PHACTR2: variants seen among roughly 807,000 people sequenced by gnomAD.
PHACTR2 encodes the protein phosphatase and actin regulator 2, also known as chromosome 6 open reading frame 56.
Under a neutral mutation model 76.0 loss-of-function variants are expected in PHACTR2, and 30 were observed. The ratio of observed to expected loss-of-function variants is 0.39; its 90% CI spans 0.30 to 0.54. The LOEUF is 0.54. Among genes scored for constraint, PHACTR2 ranks in the 20% least tolerant of loss-of-function variants. The pLI is 0.61. For synonymous variants in PHACTR2, 292 were observed against 292.5 expected (o/e 1.00, Z 0.02); for missense variants, 696 against 781.1 (o/e 0.89, Z 1.30).
At position 143,824,367 on chromosome 6, in the gene PHACTR2, C is replaced by A. The variant is rs943734554; in HGVS notation, c.*678C>A. On this transcript the variant is annotated 3_prime_UTR_variant, in exon 13 of 13. Coordinates refer to ENST00000440869, the MANE Select transcript of PHACTR2 (RefSeq NM_001100164.2). The surrounding 1 kb of genome is among the most constrained non-coding windows in gnomAD (Gnocchi z 6.3). Reference sequence around the variant, plus strand: ...TGCATCTTTTTCTTAAATGCAAGAGCTTCTACTGACTCTTAACAAGCATGC... The same window carrying A: ...TGCATCTTTTTCTTAAATGCAAGAGATTCTACTGACTCTTAACAAGCATGC... 6.6e-6 allele frequency: 1 copy of A among 152,626 alleles called. No individual in the cohort carries two copies. Among genetic ancestry groups the A allele is most frequent in the African/African-American group, 2.4e-5 (1 of 41,438 alleles). 9.5% of individuals were successfully genotyped at this position (152,626 alleles called of 1,614,324 possible). A position where few individuals can be genotyped will look rare whatever the true frequency, so the allele number is the denominator to read the frequency against.
At chr6:143,593,685 C>T (rs1337845144) in intron 1 of PHACTR2, among the ~76,000 whole-genome samples, 1 of 152,100 alleles carries the variant, frequency 6.6e-6, no homozygotes, top group African/African-American at 2.4e-5. Flanking sequence ...ATGTAGATCA[C>T]TGAAATGTTT....
rs1405750380 is a variant in PHACTR2 at position 143,816,581 on chromosome 6, C to T, written c.1923-7093C>T. 1.4e-5 allele frequency among the ~76,000 whole-genome samples: 2 copies of T among 147,374 alleles called. No individual in the cohort carries two copies. Among genetic ancestry groups the T allele is most frequent in the African/African-American group, 4.9e-5 (2 of 41,176 alleles). ...GGTATCAATTGGTCACCTTCTTTTC[C>T]TAGCCAGCCCTTGAAGCTGTGTTGG... On this transcript the variant is annotated intron_variant, in intron 12 of 12. Transcript: ENST00000440869. This position sits in a 1 kb window ranked among gnomAD's most constrained non-coding sequence, Gnocchi z 4.5.
In PHACTR2 at chr6:143,760,590, C is replaced by G. The variant is rs756435586; in HGVS notation, c.644C>G (p.Ala215Gly). 1.8e-5 allele frequency: 29 copies of G among 1,613,812 alleles called. No individual in the cohort carries two copies. The highest frequency in any genetic ancestry group is 2.4e-5 in the Non-Finnish European group (28 of 1,179,880). ...AATACCAAGGCTCCTGGTAAGCAGG[C>G]CCCCGTCCCTCCACCCAAGCCAGCA... ...KKNTKAPGKQAPVPPPKPASR... is the reference protein window; with the variant it reads ...KKNTKAPGKQGPVPPPKPASR... The change falls in exon 5 of 13, where the codon GCC becomes GGC. Residue 215 changes from alanine to glycine, a missense_variant. Around this residue, in one of 2 missense-constraint regions of PHACTR2, gnomAD observed 460 missense variants for 450.9 expected, o/e 1.02. Transcript: ENST00000440869. This position sits in a 1 kb window ranked among gnomAD's most constrained non-coding sequence, Gnocchi z 6.4.
intron 1 of PHACTR2, among the ~76,000 whole-genome samples, chr6:143,542,004 A>G (rs1444919282): frequency 2.0e-5 from 3 of 152,148 alleles, no homozygotes; most frequent in African/African-American, 4.8e-5. Flanking sequence ...CTCACTTTAC[A>G]TTTGTGTAAC....
rs552006873 is a variant in PHACTR2, at chr6:143,549,221, G to A, written c.217+12014G>A. Among the ~76,000 whole-genome samples, 1 of 152,044 alleles carries A rather than the reference G, an allele frequency of 6.6e-6. No homozygotes were observed. Among genetic ancestry groups the A allele is most frequent in the Admixed American group, 6.5e-5 (1 of 15,274 alleles). On this transcript the variant is annotated intron_variant, in intron 1 of 11. Transcript: ENST00000367584. This position sits in a 1 kb window ranked among gnomAD's most constrained non-coding sequence, Gnocchi z 4.2. ...CATTCCTTCAGGAAGATTAATAGTG[G>A]GCCTCACATGGCAGATCAGGCCTAG...
At position 143,619,841 on chromosome 6, in the gene PHACTR2, G is replaced by A. The variant is rs1024372258; in HGVS notation, c.13+11519G>A. ...ATAGCCAGTCCCAAACTTTGACAGC[G>A]GTCAGTATGGTATAAAGAGTGAAAA... is the stretch of plus-strand genomic sequence containing the variant. On this transcript the variant is annotated intron_variant, in intron 1 of 11. Transcript: ENST00000305766. This position sits in a 1 kb window ranked among gnomAD's most constrained non-coding sequence, Gnocchi z 4.5. Among the ~76,000 whole-genome samples the A allele has an allele frequency of 2.0e-5, 3 of 152,090 alleles. No individual in the cohort carries two copies. Among genetic ancestry groups the A allele is most frequent in the South Asian group, 2.1e-4 (1 of 4,820 alleles).
chr6:143,700,172 T>C lies in PHACTR2; in HGVS notation c.47-11844T>C, dbSNP rs530829390. Among the ~76,000 whole-genome samples the C allele has an allele frequency of 6.6e-6, 1 of 152,376 alleles. No individual in the cohort carries two copies. The highest frequency in any genetic ancestry group is 1.5e-5 in the Non-Finnish European group (1 of 68,042). On this transcript the variant is annotated intron_variant, in intron 1 of 12. Transcript: ENST00000440869. This position sits in a 1 kb window ranked among gnomAD's most constrained non-coding sequence, Gnocchi z 4.1. ...ATATATTGGTCTAGATTTAATGTGT[T>C]ATTTTAATAATATTTGTGTTACATT...
rs1001189407 is a variant in PHACTR2 at position 143,546,447 on chromosome 6, T to C, written c.217+9240T>C. ...AGAGGTACAATGCTTTGATTTTGGG[T>C]CCATAACTCACATACTGTAAGCATG... On this transcript the variant is annotated intron_variant, in intron 1 of 11. Transcript: ENST00000367584. This position sits in a 1 kb window ranked among gnomAD's most constrained non-coding sequence, Gnocchi z 4.9. 7.9e-5 allele frequency among the ~76,000 whole-genome samples: 12 copies of C among 152,156 alleles called. No individual in the cohort carries two copies. The highest frequency in any genetic ancestry group is 1.9e-4 in the East Asian group (1 of 5,170).
rs1777435089 is a variant in PHACTR2, at chr6:143,683,127, T to C, written c.46+4918T>C. ...GAGAATTGGATCCATTATTTCTAAG[T>C]ACAGGCTAAAACGATATGCCCTCAA... On this transcript the variant is annotated intron_variant, in intron 1 of 12. Transcript: ENST00000440869. This position sits in a 1 kb window ranked among gnomAD's most constrained non-coding sequence, Gnocchi z 4.1. Among the ~76,000 whole-genome samples the C allele has an allele frequency of 6.6e-6, 1 of 152,242 alleles. No homozygotes were observed. Among genetic ancestry groups the C allele is most frequent in the Non-Finnish European group, 1.5e-5 (1 of 68,048 alleles).
In PHACTR2 at chr6:143,668,774, T is replaced by G. The variant is rs532596113; in HGVS notation, c.14-43242T>G. 9.8e-5 allele frequency among the ~76,000 whole-genome samples: 15 copies of G among 152,328 alleles called. No homozygotes were observed. In the Middle Eastern group the frequency reaches 0.014, roughly 138 times the overall value. On this transcript the variant is annotated intron_variant, in intron 1 of 11. Coordinates refer to the PHACTR2 transcript ENST00000305766. ...ATTTGATTCTTCTCTCTTCTCTTCT[T>G]TATTAGTCTGGTAGTGGTCTATTTT...
chr6:143,770,146 G>A (rs753642279), intron 6 of PHACTR2, among the ~76,000 whole-genome samples: 2 of 152,182 alleles, frequency 1.3e-5, no homozygotes, highest in Non-Finnish European at 2.9e-5. Context: ...TATATACATA[G>A]AGTGGAATAT....
chr6:143,785,496 G>C (rs1775534845), intron 10 of PHACTR2, among the ~76,000 whole-genome samples: 1 of 152,220 alleles, frequency 6.6e-6, no homozygotes, highest in Non-Finnish European at 1.5e-5. Context: ...GGTGCATGCT[G>C]TTGGTGGATC....
chr6:143,642,446 C>T (rs1418343730), intron 1 of PHACTR2, among the ~76,000 whole-genome samples: 1 of 152,182 alleles, frequency 6.6e-6, no homozygotes. Flanking sequence ...ATCTTCAGAG[C>T]TCTTAGAAGA....
intron 1 of PHACTR2, among the ~76,000 whole-genome samples, chr6:143,542,044 C>T (rs971787590): frequency 6.6e-6 from 1 of 152,142 alleles, no homozygotes; most frequent in African/African-American, 2.4e-5. Context: ...AAACAAAGAC[C>T]ATCTGGTTCT....
rs112390177 is a variant in PHACTR2 at position 143,704,953 on chromosome 6, G to A, written c.47-7063G>A. Among the ~76,000 whole-genome samples, 762 of 144,524 alleles carry A rather than the reference G, an allele frequency of 5.3e-3. 5 individuals are homozygous for A. The highest frequency in any genetic ancestry group is 0.02 in the Middle Eastern group (5 of 244). 94.8% of individuals were successfully genotyped at this position (144,524 alleles called of 152,430 possible). On this transcript the variant is annotated intron_variant, in intron 1 of 12. Coordinates refer to ENST00000440869, the MANE Select transcript of PHACTR2 (RefSeq NM_001100164.2). Reference sequence around the variant, plus strand: ...AAGGATCCTCCTGCCTCAGCCTCCCGAGTAGCGGGACTACACACACGCTCC... The same window carrying A: ...AAGGATCCTCCTGCCTCAGCCTCCCAAGTAGCGGGACTACACACACGCTCC...
At chr6:143,735,475 C>G (rs775631120) in intron 2 of PHACTR2, among the ~76,000 whole-genome samples, 4 of 152,046 alleles carry the variant, frequency 2.6e-5, no homozygotes, top group African/African-American at 9.7e-5. Context: ...CCATCTTAGC[C>G]ATTTTAGGTT....
intron 1 of PHACTR2, among the ~76,000 whole-genome samples, chr6:143,630,338 T>C (rs1272229914): frequency 6.7e-6 from 1 of 150,196 alleles, no homozygotes; most frequent in Non-Finnish European, 1.5e-5. Flanking sequence ...ATTTAAGAAA[T>C]AATGTTAATA....
rs1269880602 is a variant in PHACTR2 at position 143,801,076 on chromosome 6, G to A, written c.1846-5981G>A. ...CTGCAGAGAGATCCACTGTTAGTCT[G>A]ATGGCTTCCCTTTGTGGTTAACCCA... is the stretch of plus-strand genomic sequence containing the variant. On this transcript the variant is annotated intron_variant, in intron 11 of 12. Coordinates refer to ENST00000440869, the MANE Select transcript of PHACTR2 (RefSeq NM_001100164.2). This position sits in a 1 kb window ranked among gnomAD's most constrained non-coding sequence, Gnocchi z 4.6. Among the ~76,000 whole-genome samples, 2 of 152,190 alleles carry A rather than the reference G, an allele frequency of 1.3e-5. No homozygotes were observed. Among genetic ancestry groups the A allele is most frequent in the African/African-American group, 4.8e-5 (2 of 41,448 alleles).
chr6:143,734,275 C>A (rs1465557968), intron 2 of PHACTR2, among the ~76,000 whole-genome samples: 1 of 152,216 alleles, frequency 6.6e-6, no homozygotes, highest in Non-Finnish European at 1.5e-5. Flanking sequence ...AATGGCCTAA[C>A]CATCAGGTCC....
Sources: gnomAD v4.1 joint callset for allele counts (sites outside exome capture counted in the v4.1 genomes callset) on GRCh38, gnomAD v4.1.1 for gene constraint, gnomAD v4.1.1 regional missense constraint, Gnocchi (gnomAD v3.1) non-coding constraint, MANE v1.5 for transcripts, NCBI Gene and HGNC (gene_info 2026-07-23, HGNC 2026-07-21) for gene names.